Variants in CSMD1 observed in about 807,000 individuals in gnomAD.
CSMD1 encodes the protein CUB and sushi domain-containing protein 1.
CSMD1 carries 213 observed loss-of-function variants against 417.5 expected under a neutral mutation model. The ratio of observed to expected loss-of-function variants is 0.51; its 90% CI spans 0.46 to 0.57. The LOEUF is 0.57. CSMD1 is among the 20% of genes least tolerant of loss of function. The pLI is 0.00. For missense variants in CSMD1, 6,923 were observed against 4,529.7 expected, an observed-to-expected ratio of 1.53 and a Z score of -15.17; for synonymous variants, 2,862 against 1,736.8, an observed-to-expected ratio of 1.65 and a Z score of -16.11.
At chr8:4,072,059 T>A (rs999589267) in intron 3 of CSMD1, among the ~76,000 whole-genome samples, 2 of 152,198 alleles carry the variant, frequency 1.3e-5, no homozygotes, top group Non-Finnish European at 2.9e-5. Context: ...GAGTTTTGGT[T>A]TTGCCACCAG....
chr8:3,460,822 AACAG>A (rs1353327564), intron 12 of CSMD1, among the ~76,000 whole-genome samples: 1 of 152,182 alleles, frequency 6.6e-6, no homozygotes, highest in Non-Finnish European at 1.5e-5. Flanking sequence ...TCTGGGTAAG[AACAG>A]ACAATGCTGT....
intron 26 of CSMD1, among the ~76,000 whole-genome samples, chr8:3,240,110 G>T (rs1459243651): frequency 6.6e-6 from 1 of 152,154 alleles, no homozygotes; most frequent in Non-Finnish European, 1.5e-5. Context: ...AGACTTGAGG[G>T]CTAGGCAAAA....
At chr8:3,668,048 G>T (rs980549377) in intron 7 of CSMD1, among the ~76,000 whole-genome samples, 60 of 152,110 alleles carry the variant, frequency 3.9e-4, no homozygotes, top group African/African-American at 1.4e-3. Context: ...CCATCCCAAG[G>T]ATGAGCCTTG....
intron 1 of CSMD1, among the ~76,000 whole-genome samples, chr8:4,697,238 G>A (rs1266994324): frequency 1.3e-5 from 2 of 152,018 alleles, no homozygotes; most frequent in Non-Finnish European, 2.9e-5. Flanking sequence ...TTCTAGAACA[G>A]AACCTTGCTG....
chr8:4,024,218 A>G (rs1796944643), intron 4 of CSMD1, among the ~76,000 whole-genome samples: 1 of 152,212 alleles, frequency 6.6e-6, no homozygotes, highest in African/African-American at 2.4e-5. Flanking sequence ...TGGGAAACAG[A>G]AGTGATGTAA....
chr8:4,608,589 G>C (rs1324361193), intron 2 of CSMD1, among the ~76,000 whole-genome samples: 3 of 152,182 alleles, frequency 2.0e-5, no homozygotes, highest in Non-Finnish European at 4.4e-5. Context: ...GGATGCGATG[G>C]CAAAGTTATA....
chr8:4,157,280 G>T (rs762113509), intron 3 of CSMD1, among the ~76,000 whole-genome samples: 1 of 152,180 alleles, frequency 6.6e-6, no homozygotes, highest in Non-Finnish European at 1.5e-5. Context: ...GACTAGTTTA[G>T]TGATGCAATT....
At chr8:4,337,835 C>A (rs1392303546) in intron 3 of CSMD1, among the ~76,000 whole-genome samples, 1 of 152,114 alleles carries the variant, frequency 6.6e-6, no homozygotes, top group Non-Finnish European at 1.5e-5. Flanking sequence ...AATTATAAAA[C>A]TTCTTGTTCC....
chr8:4,328,466 GT>G (rs2128889114), intron 3 of CSMD1, among the ~76,000 whole-genome samples: 1 of 151,892 alleles, frequency 6.6e-6, no homozygotes, highest in African/African-American at 2.4e-5. Context: ...TAAGGTAACA[GT>G]TAACAGGGGA....
rs77490405 is a variant in CSMD1 at position 4,169,522 on chromosome 8, C to T, written c.416-137423G>A. 4.4e-3 allele frequency among the ~76,000 whole-genome samples: 675 copies of T among 152,264 alleles called. 8 individuals carry two copies. Among genetic ancestry groups the T allele is most frequent in the African/African-American group, 0.016 (656 of 41,522 alleles). On this transcript the variant is annotated intron_variant, in intron 3 of 69. Coordinates refer to ENST00000635120, the MANE Select transcript of CSMD1 (RefSeq NM_033225.6). ...GGCCTTGTCTCCATTTTCTCTCCTC[C>T]AGATGAAATGGCAGCCTCCAAACTC...
chr8:3,954,643 T>G (rs1341018357), intron 5 of CSMD1, among the ~76,000 whole-genome samples: 1 of 152,230 alleles, frequency 6.6e-6, no homozygotes, highest in Non-Finnish European at 1.5e-5. Context: ...ATTACAGGCG[T>G]GAGCCACCGC....
chr8:4,148,135 G>A (rs572749175), intron 3 of CSMD1, among the ~76,000 whole-genome samples: 3 of 152,244 alleles, frequency 2.0e-5, no homozygotes, highest in African/African-American at 7.2e-5. Flanking sequence ...TGCTCTGGGT[G>A]AAGCTCAACT....
intron 3 of CSMD1, among the ~76,000 whole-genome samples, chr8:4,198,890 A>G (rs1029855067): frequency 6.6e-6 from 1 of 152,138 alleles, no homozygotes; most frequent in African/African-American, 2.4e-5. Context: ...TAATTTAATT[A>G]AAACTATTTT....
At chr8:4,230,692 A>G (rs1050346855) in intron 3 of CSMD1, among the ~76,000 whole-genome samples, 1 of 152,222 alleles carries the variant, frequency 6.6e-6, no homozygotes, top group Non-Finnish European at 1.5e-5. Context: ...ACTGCCTAAT[A>G]GTAATTTTCC....
intron 1 of CSMD1, among the ~76,000 whole-genome samples, chr8:4,789,732 A>T (rs1797593583): frequency 6.6e-6 from 1 of 152,174 alleles, no homozygotes; most frequent in African/African-American, 2.4e-5. Flanking sequence ...ATTGTATAGC[A>T]ATGCTCCCAA....
chr8:4,632,552 A>T (rs1381504337), intron 2 of CSMD1, among the ~76,000 whole-genome samples: 1 of 152,086 alleles, frequency 6.6e-6, no homozygotes, highest in Non-Finnish European at 1.5e-5. Flanking sequence ...GACGTTGGTA[A>T]TCACAGGAGA....
At chr8:3,303,681 A>T (rs532640965) in intron 25 of CSMD1, among the ~76,000 whole-genome samples, 28 of 152,294 alleles carry the variant, frequency 1.8e-4, no homozygotes, top group Non-Finnish European at 3.5e-4. Flanking sequence ...CATAGCCTTT[A>T]ATGTTGCTAG....
chr8:3,284,205 G>C lies in CSMD1; in HGVS notation c.4092C>G (p.Leu1364=). ...PEDIHSTFNS[L]TLQFDSDFFI... Reference sequence around the variant, plus strand: ...AGAAGTCGCTGTCGAACTGCAGGGTGAGTGAGTTGAAGGTGCTGTGGATGT... The same window carrying C: ...AGAAGTCGCTGTCGAACTGCAGGGTCAGTGAGTTGAAGGTGCTGTGGATGT... The change falls in exon 26 of 70, where the codon CTC becomes CTG. Residue 1364 remains leucine (L), a synonymous_variant. Coordinates refer to ENST00000635120, the MANE Select transcript of CSMD1 (RefSeq NM_033225.6). The C allele has an allele frequency of 1.9e-6, 3 of 1,608,578 alleles. No homozygotes were observed. Among genetic ancestry groups the C allele is most frequent in the Non-Finnish European group, 2.5e-6 (3 of 1,177,604 alleles).
At chr8:3,872,464 G>A (rs903691903) in intron 5 of CSMD1, among the ~76,000 whole-genome samples, 3 of 152,160 alleles carry the variant, frequency 2.0e-5, no homozygotes, top group African/African-American at 7.2e-5. Context: ...AAATGAAAAA[G>A]CTGTGGGACA....
Sources: allele counts gnomAD v4.1 joint callset (sites outside exome capture counted in the v4.1 genomes callset), GRCh38; gene constraint gnomAD v4.1.1; transcripts MANE v1.5; gene names NCBI Gene and HGNC (gene_info 2026-07-23, HGNC 2026-07-21).